Variants in NHLRC3 observed in about 807,000 individuals in gnomAD.
The protein encoded by NHLRC3 is NHL repeat containing 3.
NHLRC3 carries 23 observed loss-of-function variants against 32.0 expected under a neutral mutation model. The ratio of observed to expected loss-of-function variants is 0.72; its 90% confidence interval spans 0.52 to 1.02. The LOEUF (loss-of-function observed/expected upper bound fraction) is 1.02, where lower values mean the gene tolerates loss of function less well. Among genes scored for constraint, NHLRC3 ranks in the 50% least tolerant of loss-of-function variants. The probability of loss-of-function intolerance (pLI) is 0.00; values close to 1 mark genes in which losing one functional copy is unlikely to be tolerated. For missense variants in NHLRC3, 407 were observed against 406.8 expected, an observed-to-expected ratio of 1.00 and a Z score of -0.01; for synonymous variants, 159 against 147.9, an observed-to-expected ratio of 1.08 and a Z score of -0.55.
Position 39,044,106 on chromosome 13 carries a change from GC to G in NHLRC3, c.604del (p.Leu202CysfsTer47). 1 of 1,612,624 alleles carries G rather than the reference GC, an allele frequency of 6.2e-7. No individual in the cohort carries two copies. The highest frequency in any genetic ancestry group is 8.5e-7 in the Non-Finnish European group (1 of 1,178,708). ...CGTTTATAGATTTCATGATCCTTTG[GC>G]TGCATGGAGAAAATGGGACAGGGCC... ...KLSQDFMILW[L>X]HGENGTGPAK... On this transcript the variant is annotated frameshift_variant, in exon 5 of 7. Transcript: ENST00000379600. LOFTEE classifies it high-confidence loss of function.
intron 2 of NHLRC3, 21 bp from the exon 3 acceptor site, chr13:39,039,543 T>C: frequency 6.3e-7 from 1 of 1,592,952 alleles, no homozygotes. Context: ...TCCTAAGAAG[T>C]TATTTTTTGT....
At chr13:39,042,007 T>C in intron 3 of NHLRC3, 98 bp from the exon 4 acceptor site, 2 of 663,634 alleles carry the variant, frequency 3.0e-6, no homozygotes, top group Non-Finnish European at 5.3e-6. Flanking sequence ...TATTTGTTAT[T>C]ATTTACTTCT....
chr13:39,038,435 A>C, upstream of NHLRC3: 2 of 593,008 alleles, frequency 3.4e-6, no homozygotes, highest in Non-Finnish European at 6.0e-6. Context: ...CGAAGTCCGG[A>C]ACTGGTCTTC....
At chr13:39,039,516 C>T (rs748716014) in intron 2 of NHLRC3, 48 bp from the exon 3 acceptor site, 11 of 1,484,038 alleles carry the variant, frequency 7.4e-6, no homozygotes, top group Middle Eastern at 1.8e-4. Flanking sequence ...ATACAGATTA[C>T]CTTTCCTTTA....
At chr13:39,046,253 A>ACT (rs1871671709) in intron 5 of NHLRC3, among the ~76,000 whole-genome samples, 1 of 152,152 alleles carries the variant, frequency 6.6e-6, no homozygotes, top group Admixed American at 6.5e-5. Flanking sequence ...CGGGAGGCGG[A>ACT]GCTTGCAGTG....
chr13:39,043,961 A>G, intron 4 of NHLRC3, 129 bp from the exon 5 acceptor site: 1 of 708,050 alleles, frequency 1.4e-6, no homozygotes, highest in Non-Finnish European at 2.5e-6. Flanking sequence ...TAGACAGGAA[A>G]GCCGAGAAAG....
At chr13:39,044,818 C>T (rs1328925977) in intron 5 of NHLRC3, among the ~76,000 whole-genome samples, 4 of 152,146 alleles carry the variant, frequency 2.6e-5, no homozygotes, top group Admixed American at 1.3e-4. Context: ...ACAACGAAAC[C>T]GCCACCAAAA....
intron 5 of NHLRC3, 99 bp downstream of exon 5, chr13:39,044,280 T>A: frequency 1.2e-6 from 1 of 844,358 alleles, no homozygotes. Context: ...TGGGCATGTA[T>A]ATATAGATTG....
rs1336194122 is a variant in NHLRC3, at chr13:39,048,793, TAA to T, written c.*870_*871del. On this transcript the variant is annotated 3_prime_UTR_variant, in exon 7 of 7. Coordinates refer to ENST00000379600, the MANE Select transcript of NHLRC3 (RefSeq NM_001012754.4). ...AATGGCTGGCATCTAAGCACTTTAG[TAA>T]AAGAGGTTTTTACAAATAACTAAGG... The T allele has an allele frequency of 5.2e-5, 8 of 152,498 alleles. No individual in the cohort carries two copies. Among genetic ancestry groups the T allele is most frequent in the African/African-American group, 1.9e-4 (8 of 41,462 alleles). 9.4% of individuals were successfully genotyped at this position (152,498 alleles called of 1,614,324 possible).
intron 5 of NHLRC3, among the ~76,000 whole-genome samples, chr13:39,045,454 A>G (rs891752420): frequency 6.6e-6 from 1 of 152,214 alleles, no homozygotes; most frequent in African/African-American, 2.4e-5. Context: ...AGTGTCAATT[A>G]TACAAAATTG....
rs1871790921 is a variant in NHLRC3 at position 39,048,794 on chromosome 13, A to G, written c.*868A>G. The G allele has an allele frequency of 6.6e-6, 1 of 152,484 alleles. No homozygotes were observed. The highest frequency in any genetic ancestry group is 1.5e-5 in the Non-Finnish European group (1 of 68,026). The allele number at this position is 152,484 out of a possible 1,614,324, so 9.4% of individuals were successfully genotyped here. On this transcript the variant is annotated 3_prime_UTR_variant, in exon 7 of 7. Coordinates refer to ENST00000379600, the MANE Select transcript of NHLRC3 (RefSeq NM_001012754.4). ...ATGGCTGGCATCTAAGCACTTTAGTAAAAGAGGTTTTTACAAATAACTAAG... is the reference window on the plus strand; with the variant it reads ...ATGGCTGGCATCTAAGCACTTTAGTGAAAGAGGTTTTTACAAATAACTAAG...
At chr13:39,044,833 T>C (rs988510590) in intron 5 of NHLRC3, among the ~76,000 whole-genome samples, 1 of 152,206 alleles carries the variant, frequency 6.6e-6, no homozygotes, top group African/African-American at 2.4e-5. Flanking sequence ...CCAAAAAATT[T>C]GTATATTAGT....
At chr13:39,047,644 AT>A (rs768249678) in intron 6 of NHLRC3, 29 bp from the exon 7 acceptor site, 9 of 1,587,094 alleles carry the variant, frequency 5.7e-6, no homozygotes, top group Non-Finnish European at 7.8e-6. Context: ...TTTCACAGAC[AT>A]TTATTATGTT....
At chr13:39,039,354 T>C (rs188747765) in intron 2 of NHLRC3, 66 bp downstream of exon 2, 5 of 1,342,084 alleles carry the variant, frequency 3.7e-6, no homozygotes, top group Non-Finnish European at 5.3e-6. Flanking sequence ...TGTCTTGCTG[T>C]AGTAACTGAC....
At chr13:39,044,507 T>G in intron 5 of NHLRC3, 1 of 242,564 alleles carries the variant, frequency 4.1e-6, no homozygotes, top group Non-Finnish European at 7.8e-6. Flanking sequence ...TAAAGTTACC[T>G]GAAAGAAAAA....
chr13:39,044,322 CA>C lies in NHLRC3; in HGVS notation c.678+142del, dbSNP rs1240758193. 6.0e-6 allele frequency: 4 copies of C among 669,286 alleles called. No individual in the cohort carries two copies. The African/African-American group carries it at 7.2e-5, about 12-fold the overall frequency. 41.5% of individuals were successfully genotyped at this position (669,286 alleles called of 1,614,324 possible). On this transcript the variant is annotated intron_variant, in intron 5 of 6. Coordinates refer to ENST00000379600, the MANE Select transcript of NHLRC3 (RefSeq NM_001012754.4). ...ACATGTGTGTCTGGGCATGTGGATA[CA>C]TGTGTGTTAGTGGGTATGTCTGGGT...
chr13:39,039,015 C>T (rs1871331726), intron 1 of NHLRC3, 121 bp from the exon 2 acceptor site: 4 of 782,616 alleles, frequency 5.1e-6, no homozygotes, highest in East Asian at 5.1e-5. Flanking sequence ...TTATTTCAGT[C>T]CAGCAAACTT....
At chr13:39,042,451 G>A (rs1481902005) in intron 4 of NHLRC3, 146 bp downstream of exon 4, 2 of 567,352 alleles carry the variant, frequency 3.5e-6, no homozygotes, top group Non-Finnish European at 6.1e-6. Flanking sequence ...AAACAGATGG[G>A]TATGATTGCC....
intron 3 of NHLRC3, 200 bp downstream of exon 3, chr13:39,039,911 C>T (rs1025531516): frequency 1.4e-4 from 56 of 396,490 alleles, no homozygotes; most frequent in African/African-American, 1.1e-3. Flanking sequence ...CGCCGTGGCT[C>T]ACGCCTGTAA....
Sources: allele counts gnomAD v4.1 joint callset (sites outside exome capture counted in the v4.1 genomes callset), GRCh38; gene constraint gnomAD v4.1.1; transcripts MANE v1.5; gene names NCBI Gene and HGNC (gene_info 2026-07-23, HGNC 2026-07-21).